Variants in CLIP2 observed in about 807,000 individuals in gnomAD.
CLIP2 encodes the protein CAP-Gly domain containing linker protein 2, also known as CAP-Gly domain-containing linker protein 2.
Under a neutral mutation model 111.7 loss-of-function variants are expected in CLIP2, and 41 were observed. That is an observed-to-expected ratio of 0.37 (90% CI 0.29 to 0.48). The LOEUF (loss-of-function observed/expected upper bound fraction) is 0.48. Ranked by LOEUF, CLIP2 falls within the 20% of genes least tolerant of loss-of-function variation. The probability of loss-of-function intolerance (pLI) is 0.99; values close to 1 mark genes in which losing one functional copy is unlikely to be tolerated. For synonymous variants in CLIP2, 660 were observed against 644.2 expected (o/e 1.02, Z -0.37); for missense variants, 1,160 against 1,422.1 (o/e 0.82, Z 2.96).
At chr7:74,402,622 T>G (rs1791652972) in intron 16 of CLIP2, among the ~76,000 whole-genome samples, 1 of 151,018 alleles carries the variant, frequency 6.6e-6, no homozygotes, top group Non-Finnish European at 1.5e-5. Flanking sequence ...AGCCCAGGAG[T>G]TTGAGGCTGC....
chr7:74,400,054 G>T (rs1250603229), intron 14 of CLIP2, among the ~76,000 whole-genome samples: 2 of 151,200 alleles, frequency 1.3e-5, no homozygotes, highest in Non-Finnish European at 2.9e-5. Flanking sequence ...GGAGGCTGAG[G>T]CAGGAGAATG....
At chr7:74,334,038 G>A (rs148132744) in intron 2 of CLIP2, among the ~76,000 whole-genome samples, 8 of 152,282 alleles carry the variant, frequency 5.3e-5, no homozygotes, top group African/African-American at 1.9e-4. Context: ...TGTCAGCGCT[G>A]GAAAGGACCT....
At chr7:74,357,971 G>A (rs1218916976) in intron 6 of CLIP2, among the ~76,000 whole-genome samples, 3 of 150,958 alleles carry the variant, frequency 2.0e-5, no homozygotes, top group Non-Finnish European at 2.9e-5. Context: ...TGGTCAGGCT[G>A]GTCTCGAACT....
chr7:74,389,720 G>A (rs1379148360), intron 13 of CLIP2, among the ~76,000 whole-genome samples: 2 of 151,596 alleles, frequency 1.3e-5, no homozygotes, highest in African/African-American at 4.8e-5. Flanking sequence ...CCAAAATGGT[G>A]AAACCCTGTT....
intron 16 of CLIP2, among the ~76,000 whole-genome samples, chr7:74,403,456 C>G (rs1791679758): frequency 6.6e-6 from 1 of 152,152 alleles, no homozygotes; most frequent in Non-Finnish European, 1.5e-5. Context: ...GTTATCCCAG[C>G]TACTCAGGAG....
Position 74,376,946 on chromosome 7 carries a change from T to C in CLIP2, c.2421+124T>C. Reference sequence around the variant, plus strand: ...GTCCCCGAGAGCATGCCTGGGGCAGTCAAGGAAGGGGTCACCTGGCTTAGA... The same window carrying C: ...GTCCCCGAGAGCATGCCTGGGGCAGCCAAGGAAGGGGTCACCTGGCTTAGA... On this transcript the variant is annotated intron_variant, in intron 10 of 16. Coordinates refer to ENST00000223398, the MANE Select transcript of CLIP2 (RefSeq NM_003388.5). The surrounding 1 kb of genome is among the most constrained non-coding windows in gnomAD (Gnocchi z 7.1). 1 of 997,222 alleles carries C rather than the reference T, an allele frequency of 1.0e-6. No individual in the cohort carries two copies. 61.8% of individuals were successfully genotyped at this position (997,222 alleles called of 1,614,324 possible). A position where few individuals can be genotyped will look rare whatever the true frequency, so the allele number is the denominator to read the frequency against.
At chr7:74,390,273 C>G (rs1298031925) in intron 13 of CLIP2, among the ~76,000 whole-genome samples, 2 of 151,816 alleles carry the variant, frequency 1.3e-5, no homozygotes, top group African/African-American at 4.8e-5. Context: ...CCTTTAAACT[C>G]CTAAAAATTA....
chr7:74,375,468 G>A (rs563874013), intron 9 of CLIP2, among the ~76,000 whole-genome samples: 21 of 138,884 alleles, frequency 1.5e-4, no homozygotes, highest in African/African-American at 4.8e-4. Flanking sequence ...CAGGAGAATC[G>A]CTTGAACCTG....
rs1787947158 is a variant in CLIP2, at chr7:74,289,498, G to C, written c.-304G>C. On this transcript the variant is annotated 5_prime_UTR_variant, in exon 1 of 17. Coordinates refer to ENST00000223398, the MANE Select transcript of CLIP2 (RefSeq NM_003388.5). ...CTCGGCTCGGCCGCGGGGCGCGCAG[G>C]CGGCTGCTGGGCGGCCTCGGTGCGC... 2 of 151,132 alleles carry C rather than the reference G, an allele frequency of 1.3e-5. No individual in the cohort carries two copies. Among genetic ancestry groups the C allele is most frequent in the Non-Finnish European group, 3.0e-5 (2 of 67,576 alleles). 9.4% of individuals were successfully genotyped at this position (151,132 alleles called of 1,614,324 possible).
At chr7:74,319,825 AG>A (rs1410988199) in intron 2 of CLIP2, among the ~76,000 whole-genome samples, 27 of 27,984 alleles carry the variant, frequency 9.6e-4, no homozygotes, top group Non-Finnish European at 2.9e-3. Context: ...TAAAAAAAAA[AG>A]AGAGAGAGAA....
chr7:74,358,314 G>A (rs1160035098), intron 6 of CLIP2, among the ~76,000 whole-genome samples: 2 of 151,962 alleles, frequency 1.3e-5, no homozygotes, highest in East Asian at 3.9e-4. Context: ...GCCTCCCAAA[G>A]TGCTGGGATT....
chr7:74,336,154 G>A (rs1459929634), intron 2 of CLIP2, among the ~76,000 whole-genome samples: 3 of 151,574 alleles, frequency 2.0e-5, no homozygotes, highest in East Asian at 1.9e-4. Context: ...TGCAACCTCC[G>A]CCTCCTGGGT....
At position 74,338,557 on chromosome 7, in the gene CLIP2, G is replaced by T. The variant is rs1051545905; in HGVS notation, c.231G>T (p.Gly77=). ...CGGAAGTGGGGGATGACTTCCTGGGGGACTTTGTGGTGGGCGAGCGGGTGT... is the reference window on the plus strand; with the variant it reads ...CGGAAGTGGGGGATGACTTCCTGGGTGACTTTGTGGTGGGCGAGCGGGTGT... ...KAAEVGDDFL[G]DFVVGERVWV... Residue 77 remains glycine (G), a synonymous_variant, in exon 3 of 17, where the codon GGG becomes GGT. Coordinates refer to ENST00000223398, the MANE Select transcript of CLIP2 (RefSeq NM_003388.5). This position sits in a 1 kb window ranked among gnomAD's most constrained non-coding sequence, Gnocchi z 4.3. 4 of 1,590,998 alleles carry T rather than the reference G, an allele frequency of 2.5e-6. No individual in the cohort carries two copies. Among genetic ancestry groups the T allele is most frequent in the Non-Finnish European group, 3.4e-6 (4 of 1,169,942 alleles).
At chr7:74,293,335 AT>A (rs1156364433) in intron 1 of CLIP2, among the ~76,000 whole-genome samples, 1 of 151,718 alleles carries the variant, frequency 6.6e-6, no homozygotes, top group Non-Finnish European at 1.5e-5. Context: ...CTGCGGTTTC[AT>A]TTTTTCGGCC....
At position 74,351,030 on chromosome 7, in the gene CLIP2, A is replaced by AGAAGGGAAG. The variant is rs782104615; in HGVS notation, c.679-2836_679-2828dup. Among the ~76,000 whole-genome samples the AGAAGGGAAG allele has an allele frequency of 7.6e-5, 11 of 145,628 alleles. 1 individual carries two copies. The South Asian group carries it at 2.5e-3, about 33-fold the overall frequency. On this transcript the variant is annotated intron_variant, in intron 3 of 16. Coordinates refer to ENST00000223398, the MANE Select transcript of CLIP2 (RefSeq NM_003388.5). ...AAAGAAAGAAGGAAGGAAAGGGAAG[A>AGAAGGGAAG]GAAGGGAAGGAAGGGAAGGAAGAGA...
intron 16 of CLIP2, among the ~76,000 whole-genome samples, chr7:74,402,582 C>T (rs568842010): frequency 6.6e-6 from 1 of 152,216 alleles, no homozygotes; most frequent in Admixed American, 6.5e-5. Context: ...GCCTCAGCTA[C>T]TCAGGAGGCT....
In CLIP2 at chr7:74,343,654, AG is replaced by A. The variant is rs374447477; in HGVS notation, c.678+4652del. Among the ~76,000 whole-genome samples, 426 of 151,566 alleles carry A rather than the reference AG, an allele frequency of 2.8e-3. 2 individuals carry two copies. The highest frequency in any genetic ancestry group is 9.9e-3 in the African/African-American group (409 of 41,316). ...GTGCCTGTAATCTCAGCACTTTGGGAGGCCAAGGCAGGCGGATCACTCAAGG... is the reference window on the plus strand; with the variant it reads ...GTGCCTGTAATCTCAGCACTTTGGGAGCCAAGGCAGGCGGATCACTCAAGG... On this transcript the variant is annotated intron_variant, in intron 3 of 16. Coordinates refer to ENST00000223398, the MANE Select transcript of CLIP2 (RefSeq NM_003388.5).
chr7:74,324,234 C>T lies in CLIP2; in HGVS notation c.121+6567C>T, dbSNP rs188707957. Among the ~76,000 whole-genome samples, 355 of 152,014 alleles carry T rather than the reference C, an allele frequency of 2.3e-3. 2 individuals carry two copies. Among genetic ancestry groups the T allele is most frequent in the Non-Finnish European group, 4.5e-3 (309 of 67,956 alleles). ...CTCAAACTCCTGACCTCAGGTGATC[C>T]TCCCGCCTCGGCCTCCCAAAGTGCC... On this transcript the variant is annotated intron_variant, in intron 2 of 16. Coordinates refer to ENST00000223398, the MANE Select transcript of CLIP2 (RefSeq NM_003388.5).
chr7:74,392,393 C>T (rs538883613), intron 13 of CLIP2, among the ~76,000 whole-genome samples: 10 of 151,262 alleles, frequency 6.6e-5, no homozygotes, highest in Middle Eastern at 3.4e-3. Flanking sequence ...AATAGCTGGG[C>T]GTGGAGCACA....
Sources: allele counts gnomAD v4.1 joint callset (sites outside exome capture counted in the v4.1 genomes callset), GRCh38; gene constraint gnomAD v4.1.1; non-coding constraint Gnocchi (gnomAD v3.1); transcripts MANE v1.5; gene names NCBI Gene and HGNC (gene_info 2026-07-23, HGNC 2026-07-21).